Variants in PCDHA3 observed in about 807,000 individuals in gnomAD.
PCDHA3 encodes the protein protocadherin alpha 3, also known as protocadherin alpha-3.
PCDHA3 carries 41 observed loss-of-function variants against 62.2 expected under a neutral mutation model. That is an observed-to-expected ratio of 0.66 (90% CI 0.51 to 0.86). The LOEUF (loss-of-function observed/expected upper bound fraction) is 0.86, where lower values mean the gene tolerates loss of function less well. PCDHA3 is among the 40% of genes least tolerant of loss of function. PCDHA3 has a pLI of 0.00. For missense variants in PCDHA3, 1,304 were observed against 1,241.2 expected (o/e 1.05, Z -0.76); for synonymous variants, 640 against 555.4 (o/e 1.15, Z -2.14).
At chr5:140,965,903 A>T (rs73793545) in intron 1 of PCDHA3, among the ~76,000 whole-genome samples, 2,475 of 152,308 alleles carry the variant, frequency 0.016, 63 homozygotes, top group African/African-American at 0.056. Context: ...CTTGGATCCC[A>T]GGATGCTGGT....
rs2150463409 is a variant in PCDHA3 at position 140,850,016 on chromosome 5, C to G, written c.2394+46425C>G. On this transcript the variant is annotated intron_variant, in intron 1 of 3. Transcript: ENST00000522353. ...TGGGCGAGCGCTCGCTGTCGAGCTA[C>G]GTGTCAGTGCACGCGGAGAGCGGCA... The G allele has an allele frequency of 2.5e-5, 40 of 1,596,912 alleles. 3 individuals are homozygous for G. The South Asian group carries it at 4.1e-4, about 16-fold the overall frequency.
chr5:140,815,774 T>G (rs1765791650), intron 1 of PCDHA3: 1 of 152,220 alleles, frequency 6.6e-6, no homozygotes, highest in Admixed American at 6.5e-5. Context: ...AGTCTAATTG[T>G]GATCACCTTC....
intron 1 of PCDHA3, chr5:140,928,453 T>G (rs528077853): frequency 1.9e-6 from 3 of 1,613,888 alleles, no homozygotes; most frequent in African/African-American, 2.7e-5. Flanking sequence ...GCTCAGGGGG[T>G]TTCATTTCCA....
chr5:140,857,695 G>T (rs2044799008), intron 1 of PCDHA3: 1 of 1,597,116 alleles, frequency 6.3e-7, no homozygotes, highest in South Asian at 1.1e-5. Context: ...GCAACTTGAC[G>T]CTGCAGGTGT....
In PCDHA3 at chr5:140,990,740, G is replaced by C. The variant is rs76434886; in HGVS notation, c.2542+8177G>C. Among the ~76,000 whole-genome samples the C allele has an allele frequency of 8.5e-3, 1,294 of 152,288 alleles. 21 individuals carry two copies. Among genetic ancestry groups the C allele is most frequent in the African/African-American group, 0.029 (1,222 of 41,552 alleles). ...ATCACTAGGTATATCAACAGCCCTA[G>C]GGTGGATACCTTTGAGCCTGTAAAT... On this transcript the variant is annotated intron_variant, in intron 3 of 3. Coordinates refer to ENST00000522353, the MANE Select transcript of PCDHA3 (RefSeq NM_018906.3).
intron 3 of PCDHA3, among the ~76,000 whole-genome samples, chr5:141,002,289 G>A (rs1468757497): frequency 1.3e-5 from 2 of 152,204 alleles, no homozygotes; most frequent in East Asian, 3.8e-4. Flanking sequence ...GGATGAATGG[G>A]GAGCAAAGGG....
Position 140,841,228 on chromosome 5 carries a change from G to A in PCDHA3, c.2394+37637G>A. On this transcript the variant is annotated intron_variant, in intron 1 of 3. Coordinates refer to ENST00000522353, the MANE Select transcript of PCDHA3 (RefSeq NM_018906.3). ...TCTGTCTCTAAAGGCCGAACAACGG[G>A]AGATGCAGCGGAATTGGATTAAAAG... The A allele has an allele frequency of 7.6e-6, 11 of 1,455,732 alleles. 1 individual carries two copies. In the South Asian group the frequency reaches 1.2e-4, roughly 17 times the overall value. The allele number at this position is 1,455,732 out of a possible 1,614,324, so 90.2% of individuals were successfully genotyped here.
chr5:140,997,668 T>TTGTGTGTG lies in PCDHA3; in HGVS notation c.2543-11937_2543-11930dup, dbSNP rs35184029. 2.7e-3 allele frequency among the ~76,000 whole-genome samples: 400 copies of TTGTGTGTG among 148,342 alleles called. 5 individuals carry two copies. The East Asian group carries it at 0.038, about 14-fold the overall frequency. The stretch of plus-strand genomic sequence containing the variant: ...AATGCAATATGTATTATTATACAGC[T>TTGTGTGTG]TGTGTGTGTGTGTGTGTGTGTGTGT... On this transcript the variant is annotated intron_variant, in intron 3 of 3. Transcript: ENST00000522353.
chr5:140,963,811 G>A (rs2153736544), intron 1 of PCDHA3, among the ~76,000 whole-genome samples: 1 of 152,288 alleles, frequency 6.6e-6, no homozygotes, highest in Middle Eastern at 3.4e-3. Context: ...TAGTCACTGT[G>A]CAAATTGCTT....
rs1554262420 is a variant in PCDHA3, at chr5:141,009,791, C to G, written c.2707C>G (p.Pro903Ala). ...TGCAATCATCTCCATCCGGCAGGAG[C>G]CTACTAACAGCCAAATTGACAAAAG... ...SPAIISIRQE[P>A]TNSQIDKSDF... The change falls in exon 4 of 4, where the codon CCT becomes GCT. Residue 903 changes from proline (P) to alanine (A), a missense_variant. Pro to Ala is a conservative substitution (Grantham distance 27). Transcript: ENST00000522353. 1 of 1,614,084 alleles carries G rather than the reference C, an allele frequency of 6.2e-7. No individual in the cohort carries two copies. Among genetic ancestry groups the G allele is most frequent in the Admixed American group, 1.7e-5 (1 of 60,016 alleles).
At chr5:141,005,332 A>G (rs1479899678) in intron 3 of PCDHA3, among the ~76,000 whole-genome samples, 2 of 152,188 alleles carry the variant, frequency 1.3e-5, no homozygotes, top group Non-Finnish European at 2.9e-5. Context: ...ATAATAGGCC[A>G]AGGGGGTGCT....
At chr5:140,924,811 C>A (rs1209918868) in intron 1 of PCDHA3, among the ~76,000 whole-genome samples, 6 of 151,654 alleles carry the variant, frequency 4.0e-5, no homozygotes, top group Admixed American at 3.3e-4. Context: ...AAGAGAATCG[C>A]TTGAACCTGG....
intron 1 of PCDHA3, among the ~76,000 whole-genome samples, chr5:140,916,847 C>G (rs1276107761): frequency 6.6e-6 from 1 of 152,116 alleles, no homozygotes; most frequent in Non-Finnish European, 1.5e-5. Flanking sequence ...GAGCCCAGCC[C>G]AGCACTAGGA....
chr5:140,966,541 G>C (rs2096018356), intron 1 of PCDHA3: 3 of 462,844 alleles, frequency 6.5e-6, no homozygotes, highest in African/African-American at 2.0e-5. Context: ...TGAGCGACTC[G>C]GAGGCGAGCG....
At chr5:140,889,414 C>T (rs1014981678) in intron 1 of PCDHA3, among the ~76,000 whole-genome samples, 3 of 151,934 alleles carry the variant, frequency 2.0e-5, no homozygotes, top group Admixed American at 6.6e-5. Flanking sequence ...GAGTCAGTTA[C>T]GTAGATAATA....
chr5:140,926,414 A>C, intron 1 of PCDHA3: 1 of 152,834 alleles, frequency 6.5e-6, no homozygotes, highest in Non-Finnish European at 1.5e-5. Context: ...ATCTGCGGGC[A>C]GAGGATGTGG....
intron 1 of PCDHA3, among the ~76,000 whole-genome samples, chr5:140,908,393 A>G (rs1295544122): frequency 2.0e-5 from 3 of 152,132 alleles, no homozygotes; most frequent in Non-Finnish European, 4.4e-5. Context: ...CCGATCACAT[A>G]TATACCACTT....
At chr5:140,841,507 C>T in intron 1 of PCDHA3, 2 of 1,613,396 alleles carry the variant, frequency 1.2e-6, no homozygotes, top group South Asian at 1.1e-5. Flanking sequence ...TGGTGCCGCG[C>T]CTGTTCCGGG....
Position 140,851,360 on chromosome 5 carries a change from A to C in PCDHA3, c.2394+47769A>C, listed in dbSNP as rs1554145369. 3.1e-6 allele frequency: 3 copies of C among 978,096 alleles called. No homozygotes were observed. In the African/African-American group the frequency reaches 5.2e-5, roughly 17 times the overall value. 60.6% of individuals were successfully genotyped at this position (978,096 alleles called of 1,614,324 possible). On this transcript the variant is annotated intron_variant, in intron 1 of 3. Transcript: ENST00000522353. ...TACATTTCTCTGGATGGAGACTGTG[A>C]ACATCTGATTGTTCAGCAACCTTCA...
Sources: allele counts gnomAD v4.1 joint callset (sites outside exome capture counted in the v4.1 genomes callset), GRCh38; gene constraint gnomAD v4.1.1; transcripts MANE v1.5; gene names NCBI Gene and HGNC (gene_info 2026-07-23, HGNC 2026-07-21).